CD1C: variants seen among roughly 807,000 people sequenced by gnomAD.
CD1C encodes T-cell surface glycoprotein CD1c.
Under a neutral mutation model 39.4 loss-of-function variants are expected in CD1C, and 47 were observed. The ratio of observed to expected loss-of-function variants is 1.19; its 90% CI spans 0.94 to 1.52. CD1C has a LOEUF of 1.52. Among genes scored for constraint, CD1C ranks in the 40% most tolerant of loss-of-function variants. The pLI is 0.00. For missense variants in CD1C, 417 were observed against 395.2 expected (o/e 1.06, Z -0.47); for synonymous variants, 165 against 150.8 (o/e 1.09, Z -0.69).
intron 1 of CD1C, among the ~76,000 whole-genome samples, chr1:158,290,406 G>T (rs1468300560): frequency 6.6e-6 from 1 of 152,154 alleles, no homozygotes; most frequent in Admixed American, 6.5e-5. Context: ...AAATGATGTG[G>T]TTTCTCCTTT....
Position 158,294,242 on chromosome 1 carries a change from C to T in CD1C, c.*766C>T, listed in dbSNP as rs939146245. Among the ~76,000 whole-genome samples, 8 of 152,154 alleles carry T rather than the reference C, an allele frequency of 5.3e-5. No homozygotes were observed. The highest frequency in any genetic ancestry group is 2.1e-4 in the South Asian group (1 of 4,826). ...AGGGTTGGAGTGGGATCAAGGCAACCGTTGTGCTGTATATGGAAGACAAAT... is the reference window on the plus strand; with the variant it reads ...AGGGTTGGAGTGGGATCAAGGCAACTGTTGTGCTGTATATGGAAGACAAAT... On this transcript the variant is annotated 3_prime_UTR_variant, in exon 6 of 6. Coordinates refer to ENST00000368170, the MANE Select transcript of CD1C (RefSeq NM_001765.3).
In CD1C at chr1:158,290,124, C is replaced by T. The variant is rs539975387; in HGVS notation, c.60C>T (p.Asp20=). 37 of 1,612,344 alleles carry T rather than the reference C, an allele frequency of 2.3e-5. 1 individual carries two copies. The highest frequency in any genetic ancestry group is 1.7e-4 in the African/African-American group (13 of 74,956). Residue 20 remains aspartate, a splice_region_variant and synonymous_variant, in exon 1 of 6, where the codon GAC becomes GAT. Coordinates refer to ENST00000368170, the MANE Select transcript of CD1C (RefSeq NM_001765.3). ...ALLLPGGDNA[D]ASQEHVSFHV... ...TTCTCCCAGGTGGTGACAATGCAGA[C>T]GGTAAGAACATCGCTGTCAGCTGCA... is the stretch of plus-strand genomic sequence containing the variant.
intron 4 of CD1C, 108 bp downstream of exon 4, chr1:158,292,982 G>T (rs772400542): frequency 1.4e-4 from 159 of 1,101,774 alleles, no homozygotes; most frequent in Non-Finnish European, 1.9e-4. Context: ...AGGAAGAAAT[G>T]TATAGGGTAA....
In CD1C at chr1:158,291,367, A is replaced by G; in HGVS notation, c.295A>G (p.Ile99Val). 2.5e-6 allele frequency: 4 copies of G among 1,614,140 alleles called. No individual in the cohort carries two copies. Among genetic ancestry groups the G allele is most frequent in the Non-Finnish European group, 3.4e-6 (4 of 1,179,998 alleles). The change falls in exon 2 of 6, where the codon ATT becomes GTT. Residue 99 changes from isoleucine to valine, a missense_variant. By Grantham distance (29) the Ile-to-Val change is conservative (BLOSUM62 3). Coordinates refer to ENST00000368170, the MANE Select transcript of CD1C (RefSeq NM_001765.3). ...RFYLFGLTRE[I>V]QDHASQDYSK... is the part of the protein sequence containing the mutation. ...CTACCTCTTTGGATTAACTCGGGAG[A>G]TTCAAGACCATGCAAGTCAAGATTA...
intron 5 of CD1C, 43 bp from the exon 6 acceptor site, chr1:158,293,412 C>T (rs781074240): frequency 7.5e-6 from 12 of 1,610,158 alleles, no homozygotes; most frequent in African/African-American, 1.3e-5. Flanking sequence ...CAGTTACCAC[C>T]TCCAACTTAT....
At position 158,293,896 on chromosome 1, in the gene CD1C, T is replaced by C. The variant is rs914262364; in HGVS notation, c.*420T>C. Among the ~76,000 whole-genome samples, 1 of 152,192 alleles carries C rather than the reference T, an allele frequency of 6.6e-6. No homozygotes were observed. The highest frequency in any genetic ancestry group is 1.5e-5 in the Non-Finnish European group (1 of 68,038). ...GTGAAACACAAAACAAAACATCATA[T>C]CTAAGTTGGATTAACTGTCATGTTG... is the stretch of plus-strand genomic sequence containing the variant. On this transcript the variant is annotated 3_prime_UTR_variant, in exon 6 of 6. Coordinates refer to ENST00000368170, the MANE Select transcript of CD1C (RefSeq NM_001765.3).
At chr1:158,292,998 A>C in intron 4 of CD1C, 124 bp downstream of exon 4, 4 of 968,950 alleles carry the variant, frequency 4.1e-6, no homozygotes, top group Non-Finnish European at 6.1e-6. Context: ...GGTAATTTAA[A>C]GAATAGTGGA....
chr1:158,291,037 C>T, intron 1 of CD1C, 97 bp from the exon 2 acceptor site: 1 of 1,271,650 alleles, frequency 7.9e-7, no homozygotes, highest in South Asian at 1.5e-5. Flanking sequence ...ATTAATGTTT[C>T]TCTGTGGTAA....
At chr1:158,293,360 C>T in intron 5 of CD1C, 58 bp downstream of exon 5, 1 of 1,593,176 alleles carries the variant, frequency 6.3e-7, no homozygotes, top group Non-Finnish European at 8.6e-7. Flanking sequence ...TTCCATTTTT[C>T]ACTCTCTTAG....
Position 158,294,131 on chromosome 1 carries a change from C to A in CD1C, c.*655C>A, listed in dbSNP as rs1213706501. Among the ~76,000 whole-genome samples the A allele has an allele frequency of 1.3e-5, 2 of 152,114 alleles. No individual in the cohort carries two copies. Among genetic ancestry groups the A allele is most frequent in the Non-Finnish European group, 2.9e-5 (2 of 68,030 alleles). On this transcript the variant is annotated 3_prime_UTR_variant, in exon 6 of 6. Transcript: ENST00000368170. ...ACAGAGAATTACAAATGCAAATAGA[C>A]AGAGAGTGTGCAAGTTACATGTGAT...
chr1:158,290,636 G>A (rs1415221458), intron 1 of CD1C, among the ~76,000 whole-genome samples: 1 of 152,154 alleles, frequency 6.6e-6, no homozygotes, highest in Admixed American at 6.5e-5. Flanking sequence ...GATTGTCTTA[G>A]TTGCTGTCAG....
At chr1:158,292,438 C>T (rs1651078523) in intron 3 of CD1C, 73 bp downstream of exon 3, 2 of 1,528,328 alleles carry the variant, frequency 1.3e-6, no homozygotes, top group African/African-American at 1.4e-5. Flanking sequence ...ACCCTTCAAA[C>T]TCAGGACAAG....
In CD1C at chr1:158,292,312, C is replaced by T. The variant is rs763083931; in HGVS notation, c.557C>T (p.Pro186Leu). ...TATAATCTCATAAGAAGCACTTGCC[C>T]CCGATTTCTCTTGGGTCTCCTGGAT... The part of the protein sequence containing the change: ...TVYNLIRSTC[P>L]RFLLGLLDAG... The change falls in exon 3 of 6, where the codon CCC becomes CTC. Residue 186 changes from proline (P) to leucine (L), a missense_variant. Physicochemically the swap from Pro to Leu is moderately conservative, Grantham distance 98. Transcript: ENST00000368170. 5 of 1,614,138 alleles carry T rather than the reference C, an allele frequency of 3.1e-6. No individual in the cohort carries two copies. The highest frequency in any genetic ancestry group is 3.4e-6 in the Non-Finnish European group (4 of 1,180,022).
chr1:158,290,057 CA>C lies in CD1C; in HGVS notation c.-5del, dbSNP rs1650977690. 1 of 1,613,220 alleles carries C rather than the reference CA, an allele frequency of 6.2e-7. No homozygotes were observed. The highest frequency in any genetic ancestry group is 1.3e-5 in the African/African-American group (1 of 74,876). ...CTTTTCTGAGAGAAAGAAACATCTG[CA>C]AATGACATGCTGTTTCTGCAGTTTC... On this transcript the variant is annotated 5_prime_UTR_variant, in exon 1 of 6. The change creates a new upstream start codon in the 5' untranslated region. Transcript: ENST00000368170.
rs911889067 is a variant in CD1C, at chr1:158,290,113, G to A, written c.49G>A (p.Asp17Asn). 1.9e-6 allele frequency: 3 copies of A among 1,613,946 alleles called. No homozygotes were observed. The highest frequency in any genetic ancestry group is 2.5e-6 in the Non-Finnish European group (3 of 1,179,890). Residue 17 changes from aspartate to asparagine, a missense_variant, in exon 1 of 6, where the codon GAC becomes AAC. Physicochemically the swap from Asp to Asn is conservative, Grantham distance 23. Transcript: ENST00000368170. ...LLLALLLPGG[D>N]NADASQEHVS... ...GCTAGCTCTTCTTCTCCCAGGTGGTGACAATGCAGACGGTAAGAACATCGC... is the reference window on the plus strand; with the variant it reads ...GCTAGCTCTTCTTCTCCCAGGTGGTAACAATGCAGACGGTAAGAACATCGC...
In CD1C at chr1:158,291,260, G is replaced by T; in HGVS notation, c.188G>T (p.Gly63Val). Reference protein sequence around the residue: ...LQTHGWDSESGTIIFLHNWSK... With the variant: ...LQTHGWDSESVTIIFLHNWSK... ...ACTCATGGCTGGGACAGTGAATCAG[G>T]CACAATAATTTTCCTGCATAACTGG... Residue 63 changes from glycine to valine, a missense_variant, in exon 2 of 6, where the codon GGC becomes GTC. Coordinates refer to ENST00000368170, the MANE Select transcript of CD1C (RefSeq NM_001765.3). The T allele has an allele frequency of 6.2e-7, 1 of 1,614,056 alleles. No homozygotes were observed. Among genetic ancestry groups the T allele is most frequent in the Non-Finnish European group, 8.5e-7 (1 of 1,180,018 alleles).
Position 158,290,145 on chromosome 1 carries a change from C to G in CD1C, c.61+20C>G, listed in dbSNP as rs1292424458. Reference sequence around the variant, plus strand: ...CAGACGGTAAGAACATCGCTGTCAGCTGCAAGGTTACATGTATCTGGGTAG... The same window carrying G: ...CAGACGGTAAGAACATCGCTGTCAGGTGCAAGGTTACATGTATCTGGGTAG... On this transcript the variant is annotated intron_variant, in intron 1 of 5. Coordinates refer to ENST00000368170, the MANE Select transcript of CD1C (RefSeq NM_001765.3). 6.2e-7 allele frequency: 1 copy of G among 1,610,076 alleles called. No homozygotes were observed. Among genetic ancestry groups the G allele is most frequent in the Non-Finnish European group, 8.5e-7 (1 of 1,176,676 alleles).
Position 158,292,280 on chromosome 1 carries a change from A to G in CD1C, c.525A>G (p.Glu175=). 1 of 1,614,180 alleles carries G rather than the reference A, an allele frequency of 6.2e-7. No homozygotes were observed. Among genetic ancestry groups the G allele is most frequent in the South Asian group, 1.1e-5 (1 of 91,084 alleles). The change falls in exon 3 of 6, where the codon GAA becomes GAG. Residue 175 remains glutamate (E), a synonymous_variant. Transcript: ENST00000368170. ...LLNHQYEGVT[E]TVYNLIRSTC... The stretch of plus-strand genomic sequence containing the variant: ...ATCATCAGTATGAAGGCGTCACAGA[A>G]ACAGTGTATAATCTCATAAGAAGCA...
At chr1:158,290,636 G>T (rs1415221458) in intron 1 of CD1C, among the ~76,000 whole-genome samples, 1 of 152,154 alleles carries the variant, frequency 6.6e-6, no homozygotes, top group South Asian at 2.1e-4. Flanking sequence ...GATTGTCTTA[G>T]TTGCTGTCAG....
Sources: gnomAD v4.1 joint callset for allele counts (sites outside exome capture counted in the v4.1 genomes callset) on GRCh38, gnomAD v4.1.1 for gene constraint, MANE v1.5 for transcripts, NCBI Gene and HGNC (gene_info 2026-07-23, HGNC 2026-07-21) for gene names.